The following EFCAB13 variants were observed in gnomAD, a reference collection of about 807,000 sequenced individuals.
EFCAB13 encodes EF-hand calcium-binding domain-containing protein 13.
A neutral mutation model predicts 110.2 loss-of-function variants in EFCAB13; 91 were observed. That is an observed-to-expected ratio of 0.83 (90% CI 0.70 to 0.98). EFCAB13 has a LOEUF of 0.98. Among genes scored for constraint, EFCAB13 ranks in the 50% least tolerant of loss-of-function variants. The probability of loss-of-function intolerance (pLI) is 0.00; values close to 1 mark genes in which losing one functional copy is unlikely to be tolerated. For synonymous variants in EFCAB13, 323 were observed against 369.9 expected (o/e 0.87, Z 1.45); for missense variants, 968 against 1,119.4 (o/e 0.86, Z 1.93).
chr17:47,353,283 T>G (rs1293975459), intron 9 of EFCAB13, among the ~76,000 whole-genome samples: 1 of 151,660 alleles, frequency 6.6e-6, no homozygotes, highest in Non-Finnish European at 1.5e-5. Flanking sequence ...GTATATTTAT[T>G]TATTTATTTA....
Position 47,361,439 on chromosome 17 carries a change from C to T in EFCAB13, c.723C>T (p.Asp241=), listed in dbSNP as rs200498091. 21 of 1,613,674 alleles carry T rather than the reference C, an allele frequency of 1.3e-5. No homozygotes were observed. The highest frequency in any genetic ancestry group is 2.7e-5 in the African/African-American group (2 of 74,856). Residue 241 remains aspartate, a synonymous_variant, in exon 10 of 25, where the codon GAC becomes GAT. Coordinates refer to ENST00000331493, the MANE Select transcript of EFCAB13 (RefSeq NM_152347.5). ...RIKGGRVSTD[D]VFAVLDSMGI... is the part of the protein sequence containing the mutation. ...AAGGTGGTCGAGTTTCAACTGATGA[C>T]GTGTTTGCTGTTTTGGATAGCATGG...
chr17:47,335,731 C>G (rs1368400494), intron 5 of EFCAB13, among the ~76,000 whole-genome samples: 1 of 152,142 alleles, frequency 6.6e-6, no homozygotes, highest in Non-Finnish European at 1.5e-5. Context: ...GAAGGGGGAG[C>G]AAGCATATCT....
At position 47,391,505 on chromosome 17, in the gene EFCAB13, A is replaced by G. The variant is rs75090710; in HGVS notation, c.1651A>G (p.Thr551Ala). The part of the protein sequence containing the change: ...DKNVDYEDLN[T>A]CLQNFGIYLS... ...AAATGTGGATTATGAGGATCTAAATACTTGTCTTCAAAATTTTGGTATTTA... is the reference window on the plus strand; with the variant it reads ...AAATGTGGATTATGAGGATCTAAATGCTTGTCTTCAAAATTTTGGTATTTA... Residue 551 changes from threonine to alanine, a missense_variant, in exon 15 of 25, where the codon ACT becomes GCT. Transcript: ENST00000331493. 3.3e-3 allele frequency: 5,184 copies of G among 1,595,070 alleles called. 138 individuals are homozygous for G. The East Asian group carries it at 0.059, about 18-fold the overall frequency.
intron 20 of EFCAB13, 198 bp from the exon 21 acceptor site, chr17:47,409,449 C>T (rs1310325311): frequency 7.6e-6 from 4 of 523,770 alleles, no homozygotes; most frequent in Non-Finnish European, 3.5e-6. Flanking sequence ...CATGAAGGAG[C>T]CCAAGTAGTA....
At chr17:47,349,083 T>C (rs2065433924) in intron 9 of EFCAB13, among the ~76,000 whole-genome samples, 1 of 152,158 alleles carries the variant, frequency 6.6e-6, no homozygotes, top group Non-Finnish European at 1.5e-5. Context: ...CACTCTCAAG[T>C]TGTTACACTG....
chr17:47,398,045 T>C lies in EFCAB13; in HGVS notation c.1945+2068T>C, dbSNP rs78237011. Among the ~76,000 whole-genome samples the C allele has an allele frequency of 4.3e-3, 289 of 67,348 alleles. 1 individual carries two copies. Among genetic ancestry groups the C allele is most frequent in the East Asian group, 0.017 (33 of 1,906 alleles). The allele number at this position is 67,348 out of a possible 152,430, so 44.2% of individuals were successfully genotyped here. A position where few individuals can be genotyped will look rare whatever the true frequency, so the allele number is the denominator to read the frequency against. ...GATCAGCCCCTGCCCGGCCAGCCGC[T>C]CCGTCCGGGAGGGAGGTTGGGGGGT... is the stretch of plus-strand genomic sequence containing the variant. On this transcript the variant is annotated intron_variant, in intron 17 of 24. Transcript: ENST00000331493.
At chr17:47,363,434 G>A (rs1425026946) in intron 10 of EFCAB13, among the ~76,000 whole-genome samples, 3 of 151,716 alleles carry the variant, frequency 2.0e-5, no homozygotes, top group African/African-American at 7.3e-5. Context: ...ACTGTGCTAG[G>A]TGATGCAAAG....
In EFCAB13 at chr17:47,341,989, G is replaced by A. The variant is rs2065387862; in HGVS notation, c.260G>A (p.Gly87Glu). ...GATTTTTCAGGAGAAAAAAAAGTTGGGAGAAAGAGTTTACAAGTACAACAG... is the reference window on the plus strand; with the variant it reads ...GATTTTTCAGGAGAAAAAAAAGTTGAGAGAAAGAGTTTACAAGTACAACAG... ...SSDFSGEKKV[G>E]RKSLQVQQHS... Residue 87 changes from glycine (G) to glutamate (E), a missense_variant, in exon 6 of 25, where the codon GGG becomes GAG. Physicochemically the swap from Gly to Glu is moderately conservative, Grantham distance 98 (BLOSUM62 -2). Transcript: ENST00000331493. The A allele has an allele frequency of 6.2e-7, 1 of 1,600,212 alleles. No individual in the cohort carries two copies. Among genetic ancestry groups the A allele is most frequent in the Non-Finnish European group, 8.5e-7 (1 of 1,174,622 alleles).
At chr17:47,351,322 C>CGCGCACGCGT in intron 9 of EFCAB13, among the ~76,000 whole-genome samples, 1 of 55,810 alleles carries the variant, frequency 1.8e-5, no homozygotes, top group Admixed American at 1.3e-4. Flanking sequence ...CGCGCGCGCG[C>CGCGCACGCGT]GCGCGCCACG....
chr17:47,390,238 TGA>T (rs112739131), intron 14 of EFCAB13, among the ~76,000 whole-genome samples: 13,335 of 152,020 alleles, frequency 0.088, 839 homozygotes, highest in East Asian at 0.35. Flanking sequence ...TAAAACTTAT[TGA>T]GAGAGGGGTA....
intron 13 of EFCAB13, 51 bp downstream of exon 13, chr17:47,377,954 G>T (rs764424124): frequency 1.3e-6 from 2 of 1,488,878 alleles, no homozygotes; most frequent in East Asian, 4.9e-5. Context: ...TATTTTTATC[G>T]GATAGTATTA....
At chr17:47,420,708 C>CA (rs1904645384) in intron 23 of EFCAB13, among the ~76,000 whole-genome samples, 2 of 150,924 alleles carry the variant, frequency 1.3e-5, no homozygotes, top group Non-Finnish European at 1.5e-5. Flanking sequence ...ACCCTCCGCC[C>CA]GGCAGCCGCC....
At chr17:47,390,392 T>A (rs2065700321) in intron 14 of EFCAB13, among the ~76,000 whole-genome samples, 1 of 152,114 alleles carries the variant, frequency 6.6e-6, no homozygotes, top group Admixed American at 6.6e-5. Context: ...TTCAAGTGAT[T>A]TAAGGTGCCA....
intron 5 of EFCAB13, among the ~76,000 whole-genome samples, chr17:47,338,563 T>C (rs1181139121): frequency 6.6e-6 from 1 of 152,110 alleles, no homozygotes; most frequent in Admixed American, 6.6e-5. Flanking sequence ...TACTAGTTTT[T>C]TTTTTTAAAT....
chr17:47,371,062 GTTTTT>G (rs779767798), intron 11 of EFCAB13, among the ~76,000 whole-genome samples: 3 of 108,994 alleles, frequency 2.8e-5, no homozygotes, highest in Non-Finnish European at 5.5e-5. Context: ...TTTAATGGTT[GTTTTT>G]TTTTTTTTTT....
chr17:47,362,929 C>T (rs188265716), intron 10 of EFCAB13, among the ~76,000 whole-genome samples: 191 of 152,244 alleles, frequency 1.3e-3, no homozygotes, highest in African/African-American at 4.3e-3. Flanking sequence ...GGGCCACTAC[C>T]AGTCTCCGCA....
At chr17:47,413,300 A>G (rs1217446941) in intron 22 of EFCAB13, among the ~76,000 whole-genome samples, 1 of 152,080 alleles carries the variant, frequency 6.6e-6, no homozygotes, top group Non-Finnish European at 1.5e-5. Context: ...AAAATGTGGG[A>G]GGGCTCACTA....
intron 10 of EFCAB13, among the ~76,000 whole-genome samples, chr17:47,363,535 C>T (rs560820156): frequency 1.7e-3 from 257 of 151,546 alleles, no homozygotes; most frequent in African/African-American, 5.6e-3. Context: ...TTAAAATGCT[C>T]CATGGCAAAT....
At chr17:47,370,267 G>A (rs1420586064) in intron 10 of EFCAB13, among the ~76,000 whole-genome samples, 170 bp from the exon 11 acceptor site, 1 of 152,102 alleles carries the variant, frequency 6.6e-6, no homozygotes, top group Non-Finnish European at 1.5e-5. Context: ...CTTATGTTGG[G>A]CGTGTACTGA....
Sources: gnomAD v4.1 joint callset for allele counts (sites outside exome capture counted in the v4.1 genomes callset) on GRCh38, gnomAD v4.1.1 for gene constraint, MANE v1.5 for transcripts, NCBI Gene and HGNC (gene_info 2026-07-23, HGNC 2026-07-21) for gene names.